NANOGNB: variants seen among roughly 807,000 people sequenced by gnomAD.
NANOGNB encodes the protein homeobox C14.
NANOGNB carries 30 observed loss-of-function variants against 25.0 expected under a neutral mutation model. The ratio of observed to expected loss-of-function variants is 1.20; its 90% CI spans 0.90 to 1.63. NANOGNB has a LOEUF of 1.63. Ranked by LOEUF, NANOGNB falls within the 40% of genes most tolerant of loss-of-function variation. NANOGNB has a pLI of 0.00. For missense variants in NANOGNB, 200 were observed against 188.1 expected (o/e 1.06, Z -0.37); for synonymous variants, 84 against 62.1 (o/e 1.35, Z -1.66).
intron 1 of NANOGNB, among the ~76,000 whole-genome samples, chr12:7,768,767 C>T (rs1290052436): frequency 1.3e-5 from 2 of 151,910 alleles, no homozygotes; most frequent in Admixed American, 1.3e-4. Flanking sequence ...CTCCTGACCT[C>T]GTGATCTGCC....
At chr12:7,773,773 CTT>C (rs34408824) in intron 3 of NANOGNB, 25 bp from the exon 4 acceptor site, 11,047 of 507,450 alleles carry the variant, frequency 0.022, no homozygotes, top group Middle Eastern at 0.029. Context: ...TTGCGAAACT[CTT>C]TTTTTTTTTT....
chr12:7,767,608 G>A (rs934537339), intron 1 of NANOGNB, among the ~76,000 whole-genome samples: 9 of 151,892 alleles, frequency 5.9e-5, no homozygotes, highest in African/African-American at 1.9e-4. Context: ...CAGACACTCC[G>A]AATTTTATCC....
At chr12:7,765,569 CAAAAAA>C (rs1187331161) in intron 1 of NANOGNB, among the ~76,000 whole-genome samples, 182 bp downstream of exon 1, 2 of 48,670 alleles carry the variant, frequency 4.1e-5, no homozygotes, top group Non-Finnish European at 8.9e-5. Context: ...GACTCCGTCT[CAAAAAA>C]AAAAAAAAAA....
intron 1 of NANOGNB, among the ~76,000 whole-genome samples, chr12:7,767,754 C>T (rs1865257629): frequency 6.6e-6 from 1 of 150,478 alleles, no homozygotes; most frequent in Admixed American, 6.6e-5. Context: ...TTTCCTTTTT[C>T]CTCTTTTTTT....
intron 1 of NANOGNB, 59 bp from the exon 2 acceptor site, chr12:7,769,924 T>C: frequency 8.2e-7 from 1 of 1,212,728 alleles, no homozygotes; most frequent in South Asian, 1.6e-5. Context: ...TTGTTGACTA[T>C]GCTCTGAAAG....
intron 2 of NANOGNB, 22 bp from the exon 3 acceptor site, chr12:7,770,417 C>G: frequency 6.5e-7 from 1 of 1,533,966 alleles, no homozygotes; most frequent in East Asian, 2.5e-5. Flanking sequence ...TTAATCACCT[C>G]CCACACCTCA....
chr12:7,770,686 CA>C (rs1865285415), intron 3 of NANOGNB, among the ~76,000 whole-genome samples, 168 bp downstream of exon 3: 1 of 152,108 alleles, frequency 6.6e-6, no homozygotes, highest in South Asian at 2.1e-4. Flanking sequence ...CATCTCGGCT[CA>C]CCGCACCCTC....
In NANOGNB at chr12:7,770,305, C is replaced by A. The variant is rs1471587269; in HGVS notation, c.425C>A (p.Thr142Lys). The A allele has an allele frequency of 2.0e-6, 3 of 1,531,308 alleles. No homozygotes were observed. In the South Asian group the frequency reaches 3.8e-5, roughly 19 times the overall value. 94.9% of individuals were successfully genotyped at this position (1,531,308 alleles called of 1,614,324 possible). Residue 142 changes from threonine (T) to lysine (K), a missense_variant, in exon 2 of 4, where the codon ACA becomes AAA. By Grantham distance (78) the Thr-to-Lys change is moderately conservative. Coordinates refer to ENST00000382119, the MANE Select transcript of NANOGNB (RefSeq NM_001145465.1). ...SLSLSFEFDM[T>K]HKQISQWFCK... The stretch of plus-strand genomic sequence containing the variant: ...TCACTGTCATTTGAATTTGACATGA[C>A]ACATAAACAGGTATGACAACATTAA...
intron 1 of NANOGNB, chr12:7,766,206 C>T (rs1200842630): frequency 2.5e-6 from 1 of 398,660 alleles, no homozygotes; most frequent in East Asian, 3.6e-5. Context: ...CACAGTGGCT[C>T]ACACCTCAAA....
chr12:7,773,850 G>A lies in NANOGNB; in HGVS notation c.566G>A (p.Ter189=). ...TGGTCTCGAACTCCTGCCCTCAAGT[G>A]ATCTTCCTATTTTGGCCTCCAGAAA... ...QGWSRTPALK[*] The change falls in exon 4 of 4, where the codon TGA becomes TAA. Residue 189 remains the stop codon, a stop_retained_variant. Coordinates refer to ENST00000382119, the MANE Select transcript of NANOGNB (RefSeq NM_001145465.1). 1 of 606,400 alleles carries A rather than the reference G, an allele frequency of 1.6e-6. No individual in the cohort carries two copies. The highest frequency in any genetic ancestry group is 2.9e-6 in the Non-Finnish European group (1 of 344,752). 37.6% of individuals were successfully genotyped at this position (606,400 alleles called of 1,614,324 possible).
chr12:7,772,317 G>A (rs1290518637), intron 3 of NANOGNB, among the ~76,000 whole-genome samples: 8 of 151,756 alleles, frequency 5.3e-5, no homozygotes, highest in Admixed American at 4.0e-4. Context: ...TCACTCTGTC[G>A]CCCAGGCTGG....
In NANOGNB at chr12:7,773,912, A is replaced by G; in HGVS notation, c.*61A>G. 1.7e-6 allele frequency: 1 copy of G among 594,022 alleles called. No individual in the cohort carries two copies. The highest frequency in any genetic ancestry group is 2.9e-6 in the Non-Finnish European group (1 of 341,326). 36.8% of individuals were successfully genotyped at this position (594,022 alleles called of 1,614,324 possible). A position where few individuals can be genotyped will look rare whatever the true frequency, so the allele number is the denominator to read the frequency against. On this transcript the variant is annotated 3_prime_UTR_variant, in exon 4 of 4. Coordinates refer to ENST00000382119, the MANE Select transcript of NANOGNB (RefSeq NM_001145465.1). ...CAAGCATGAGCCATCGCACTGGCTA[A>G]GACATTTTACATGACACCATTCTCA... is the stretch of plus-strand genomic sequence containing the variant.
chr12:7,773,123 T>TC (rs1862599818), intron 3 of NANOGNB, among the ~76,000 whole-genome samples: 1 of 150,200 alleles, frequency 6.7e-6, no homozygotes, highest in Admixed American at 6.7e-5. Flanking sequence ...TGTGATAGTT[T>TC]TTTTTTTTTT....
intron 1 of NANOGNB, among the ~76,000 whole-genome samples, chr12:7,769,068 G>T (rs1260748925): frequency 6.6e-6 from 1 of 152,104 alleles, no homozygotes; most frequent in African/African-American, 2.4e-5. Flanking sequence ...CAGCTCCATC[G>T]CACACTGAAG....
intron 3 of NANOGNB, among the ~76,000 whole-genome samples, chr12:7,772,492 TGGTCTCGATC>T (rs1862581778): frequency 6.6e-6 from 1 of 151,258 alleles, no homozygotes; most frequent in Non-Finnish European, 1.5e-5. Context: ...TTAGCCAGGA[TGGTCTCGATC>T]TCCTGACCTC....
intron 3 of NANOGNB, 28 bp from the exon 4 acceptor site, chr12:7,773,770 ACT>A (rs1491319248): frequency 6.2e-5 from 37 of 599,918 alleles, no homozygotes; most frequent in Admixed American, 1.6e-4. Context: ...GTGTTGCGAA[ACT>A]CTTTTTTTTT....
intron 3 of NANOGNB, among the ~76,000 whole-genome samples, chr12:7,771,354 G>T (rs990684446): frequency 2.3e-3 from 352 of 151,504 alleles, no homozygotes; most frequent in African/African-American, 8.0e-3. Context: ...CTGAGTAGCT[G>T]GGACTACAGG....
In NANOGNB at chr12:7,773,466, C is replaced by T. The variant is rs776491595; in HGVS notation, c.516-334C>T. 6.5e-4 allele frequency among the ~76,000 whole-genome samples: 94 copies of T among 145,210 alleles called. 2 individuals are homozygous for T. The Middle Eastern group carries it at 0.04, about 62-fold the overall frequency. ...CTGTAATCCCAGCACTTTGGGAGGC[C>T]AAGGCAGGTGGATCACCTGAGGTCA... On this transcript the variant is annotated intron_variant, in intron 3 of 3. Coordinates refer to ENST00000382119, the MANE Select transcript of NANOGNB (RefSeq NM_001145465.1).
chr12:7,766,687 C>T (rs759913217), intron 1 of NANOGNB, among the ~76,000 whole-genome samples: 6 of 151,998 alleles, frequency 3.9e-5, no homozygotes, highest in Admixed American at 1.3e-4. Flanking sequence ...AAGACATGTC[C>T]GATTAGTTTT....
Sources: allele counts gnomAD v4.1 joint callset (sites outside exome capture counted in the v4.1 genomes callset), GRCh38; gene constraint gnomAD v4.1.1; transcripts MANE v1.5; gene names NCBI Gene and HGNC (gene_info 2026-07-23, HGNC 2026-07-21).